The following MGAT4C variants were observed in gnomAD, a reference collection of about 807,000 sequenced individuals.
The protein encoded by MGAT4C is MGAT4 family member C, also known as alpha-1,3-mannosyl-glycoprotein 4-beta-N-acetylglucosaminyltransferase C.
Under a neutral mutation model 40.1 loss-of-function variants are expected in MGAT4C, and 19 were observed. The observed-to-expected ratio is 0.47, with a 90% CI of 0.33 to 0.70. MGAT4C has a LOEUF of 0.70. Ranked by LOEUF, MGAT4C falls within the 30% of genes least tolerant of loss-of-function variation. MGAT4C has a pLI of 0.02. For synonymous variants in MGAT4C, 181 were observed against 187.1 expected, an observed-to-expected ratio of 0.97 and a Z score of 0.27; for missense variants, 491 against 563.2, an observed-to-expected ratio of 0.87 and a Z score of 1.30.
intron 1 of MGAT4C, among the ~76,000 whole-genome samples, chr12:86,796,568 C>G (rs183604648): frequency 2.6e-4 from 40 of 151,918 alleles, no homozygotes; most frequent in African/African-American, 9.4e-4. Flanking sequence ...TCAAAGGATA[C>G]AAAATTTCAG....
intron 1 of MGAT4C, among the ~76,000 whole-genome samples, chr12:86,213,284 A>G (rs955584234): frequency 6.6e-6 from 1 of 152,164 alleles, no homozygotes; most frequent in Non-Finnish European, 1.5e-5. Flanking sequence ...TGAATCTGAG[A>G]CCTAATGCTG....
intron 2 of MGAT4C, among the ~76,000 whole-genome samples, chr12:86,546,651 G>A (rs1435707724): frequency 6.6e-6 from 1 of 152,036 alleles, no homozygotes; most frequent in Non-Finnish European, 1.5e-5. Flanking sequence ...AATTTTACCT[G>A]CTGTGAAAGT....
intron 1 of MGAT4C, among the ~76,000 whole-genome samples, chr12:86,070,760 A>G (rs536982624): frequency 3.7e-4 from 56 of 152,202 alleles, no homozygotes; most frequent in African/African-American, 1.3e-3. Flanking sequence ...TAACCTTTCC[A>G]ACAGGTCCAT....
chr12:86,702,109 C>A (rs754901786), intron 2 of MGAT4C, among the ~76,000 whole-genome samples: 11 of 152,076 alleles, frequency 7.2e-5, no homozygotes, highest in South Asian at 2.1e-4. Context: ...ACAGCCTCAA[C>A]CCCCTGGGCT....
chr12:86,046,906 A>G (rs536182456), intron 2 of MGAT4C, among the ~76,000 whole-genome samples: 1 of 152,220 alleles, frequency 6.6e-6, no homozygotes, highest in African/African-American at 2.4e-5. Flanking sequence ...AATACAAAGC[A>G]CTGCTAAACT....
chr12:86,186,150 C>G (rs858213), intron 1 of MGAT4C, among the ~76,000 whole-genome samples: 135,876 of 152,120 alleles, frequency 0.89, 60,904 homozygotes, highest in East Asian at 1. Context: ...TAATCAGCCT[C>G]ACACTAGTGC....
intron 1 of MGAT4C, among the ~76,000 whole-genome samples, chr12:86,155,875 A>C (rs1233962452): frequency 6.6e-6 from 1 of 152,136 alleles, no homozygotes; most frequent in Non-Finnish European, 1.5e-5. Context: ...ACTTTCTATT[A>C]ACTAGGCCAT....
chr12:86,217,421 C>G (rs1360939158), intron 1 of MGAT4C, among the ~76,000 whole-genome samples: 4 of 152,104 alleles, frequency 2.6e-5, no homozygotes, highest in Non-Finnish European at 5.9e-5. Flanking sequence ...AATGATCCAC[C>G]CGCCTCGACC....
At chr12:86,269,466 A>C (rs1952887681) in intron 4 of MGAT4C, among the ~76,000 whole-genome samples, 1 of 151,946 alleles carries the variant, frequency 6.6e-6, no homozygotes, top group Non-Finnish European at 1.5e-5. Flanking sequence ...ACAGTCATAA[A>C]ATGTGATTGT....
Position 86,711,916 on chromosome 12 carries a change from G to T in MGAT4C, c.-229+15293C>A, listed in dbSNP as rs961110499. Among the ~76,000 whole-genome samples, 5 of 152,224 alleles carry T rather than the reference G, an allele frequency of 3.3e-5. No individual in the cohort carries two copies. In the South Asian group the frequency reaches 1.0e-3, roughly 32 times the overall value. ...TGATGACCTTTTAACTGTGGGGACT[G>T]TTTAACTGCACAGATCATATGCCCA... On this transcript the variant is annotated intron_variant, in intron 2 of 7. Transcript: ENST00000548651.
chr12:86,521,085 T>A (rs756639664), intron 2 of MGAT4C, among the ~76,000 whole-genome samples: 1 of 152,172 alleles, frequency 6.6e-6, no homozygotes, highest in Non-Finnish European at 1.5e-5. Context: ...TAGATCCCAT[T>A]TGTCAATTTT....
At chr12:86,658,342 AG>A (rs1220029674) in intron 2 of MGAT4C, among the ~76,000 whole-genome samples, 1 of 152,090 alleles carries the variant, frequency 6.6e-6, no homozygotes, top group East Asian at 1.9e-4. Context: ...ACATCTTTGA[AG>A]ATACTTTGTT....
At chr12:86,711,411 C>T (rs1047375928) in intron 2 of MGAT4C, among the ~76,000 whole-genome samples, 4 of 151,966 alleles carry the variant, frequency 2.6e-5, no homozygotes, top group African/African-American at 9.7e-5. Context: ...GGGAGATGGG[C>T]ACATTGGCCC....
chr12:86,472,288 C>A (rs1391193361), intron 2 of MGAT4C, among the ~76,000 whole-genome samples: 1 of 152,054 alleles, frequency 6.6e-6, no homozygotes, highest in East Asian at 1.9e-4. Flanking sequence ...GATTATAAGG[C>A]CTATGAAAAG....
rs541861665 is a variant in MGAT4C at position 86,362,139 on chromosome 12, T to C, written c.-119-28012A>G. On this transcript the variant is annotated intron_variant, in intron 3 of 7. Transcript: ENST00000548651. Reference sequence around the variant, plus strand: ...AAGAAAATGTAGCACATATACACCATGGAATACTATGCAGCCATAAAAACG... The same window carrying C: ...AAGAAAATGTAGCACATATACACCACGGAATACTATGCAGCCATAAAAACG... 2.6e-3 allele frequency among the ~76,000 whole-genome samples: 389 copies of C among 152,288 alleles called. 9 individuals carry two copies. In the South Asian group the frequency reaches 0.059, roughly 23 times the overall value.
At chr12:86,641,537 AT>A (rs1166379263) in intron 2 of MGAT4C, among the ~76,000 whole-genome samples, 1 of 151,654 alleles carries the variant, frequency 6.6e-6, no homozygotes, top group Admixed American at 6.6e-5. Context: ...AAATAAAAAA[AT>A]AAAAATAAAA....
intron 2 of MGAT4C, among the ~76,000 whole-genome samples, chr12:86,680,215 C>T (rs1338993489): frequency 2.6e-5 from 4 of 151,820 alleles, no homozygotes; most frequent in Admixed American, 2.0e-4. Flanking sequence ...TGCATGCAGA[C>T]ACATTGTATT....
chr12:86,731,039 A>G (rs1471493700), intron 1 of MGAT4C, among the ~76,000 whole-genome samples: 1 of 152,126 alleles, frequency 6.6e-6, no homozygotes. Context: ...GCAGAAGTGA[A>G]GTAAGATTAT....
At chr12:86,651,077 A>G (rs1448085140) in intron 2 of MGAT4C, among the ~76,000 whole-genome samples, 1 of 151,938 alleles carries the variant, frequency 6.6e-6, no homozygotes, top group Non-Finnish European at 1.5e-5. Context: ...TGCATTAGCT[A>G]TAATTTATAA....
Sources: gnomAD v4.1 joint callset for allele counts (sites outside exome capture counted in the v4.1 genomes callset) on GRCh38, gnomAD v4.1.1 for gene constraint, MANE v1.5 for transcripts, NCBI Gene and HGNC (gene_info 2026-07-23, HGNC 2026-07-21) for gene names.